Variants in FHOD3 observed in about 807,000 individuals in gnomAD.
FHOD3 encodes formin homology 2 domain containing 3, also known as FH1/FH2 domain-containing protein 3.
FHOD3 carries 90 observed loss-of-function variants against 173.0 expected under a neutral mutation model. That is an observed-to-expected ratio of 0.52 (90% confidence interval 0.44 to 0.62). The LOEUF is 0.62. Among genes scored for constraint, FHOD3 ranks in the 20% least tolerant of loss-of-function variants. The probability of loss-of-function intolerance (pLI) is 0.00; values close to 1 mark genes in which losing one functional copy is unlikely to be tolerated. For missense variants in FHOD3, 1,945 were observed against 2,034.7 expected (o/e 0.96, Z 0.85); for synonymous variants, 828 against 823.0 (o/e 1.01, Z -0.10).
At chr18:36,697,487 C>T (rs1337279539) in intron 17 of FHOD3, among the ~76,000 whole-genome samples, 4 of 149,906 alleles carry the variant, frequency 2.7e-5, no homozygotes, top group Non-Finnish European at 6.0e-5. Context: ...ATATTGCACA[C>T]AGAAATAATA....
intron 1 of FHOD3, among the ~76,000 whole-genome samples, chr18:36,298,656 G>T (rs2091872478): frequency 6.6e-6 from 1 of 152,146 alleles, no homozygotes; most frequent in South Asian, 2.1e-4. Context: ...GTGGGAGGAG[G>T]GGCGGGGGCG....
At chr18:36,499,156 T>C (rs372314584) in intron 3 of FHOD3, among the ~76,000 whole-genome samples, 20 of 152,264 alleles carry the variant, frequency 1.3e-4, no homozygotes, top group South Asian at 4.1e-4. Context: ...TAGGCTGGAG[T>C]GCGGTGACAT....
At chr18:36,504,752 G>GTAAATAAA (rs35485866) in intron 4 of FHOD3, among the ~76,000 whole-genome samples, 15 of 151,510 alleles carry the variant, frequency 9.9e-5, no homozygotes, top group African/African-American at 2.9e-4. Flanking sequence ...AATAATAAAA[G>GTAAATAAA]TAAATAAATA....
Position 36,724,820 on chromosome 18 carries a change from C to T in FHOD3, c.3418-5826C>T, listed in dbSNP as rs574748461. Among the ~76,000 whole-genome samples the T allele has an allele frequency of 2.2e-4, 34 of 152,306 alleles. No individual in the cohort carries two copies. In the South Asian group the frequency reaches 4.6e-3, roughly 20 times the overall value. On this transcript the variant is annotated intron_variant, in intron 19 of 28. Transcript: ENST00000590592. ...TTCCTCCAGGGGAGAAGGGCTACTA[C>T]GGGCATGTTGGAGGCTCCCGGTAGT...
chr18:36,563,354 C>T (rs1252945084), intron 5 of FHOD3, among the ~76,000 whole-genome samples: 1 of 152,200 alleles, frequency 6.6e-6, no homozygotes, highest in Non-Finnish European at 1.5e-5. Context: ...TCCCTAGTGC[C>T]AGACACTTCA....
intron 13 of FHOD3, among the ~76,000 whole-genome samples, chr18:36,657,187 T>C (rs1333110875): frequency 6.6e-6 from 1 of 152,198 alleles, no homozygotes; most frequent in Non-Finnish European, 1.5e-5. Flanking sequence ...TAATACAGTG[T>C]CCCTAACCAG....
intron 8 of FHOD3, among the ~76,000 whole-genome samples, chr18:36,611,521 T>C (rs2032673102): frequency 6.6e-6 from 1 of 152,230 alleles, no homozygotes. Flanking sequence ...TGGGATAATC[T>C]CTTTCCAGTC....
chr18:36,387,246 G>A (rs2048078467), intron 3 of FHOD3, among the ~76,000 whole-genome samples: 1 of 152,116 alleles, frequency 6.6e-6, no homozygotes, highest in African/African-American at 2.4e-5. Flanking sequence ...GCATCATCAG[G>A]TTGCTAGATT....
intron 3 of FHOD3, among the ~76,000 whole-genome samples, chr18:36,447,874 G>A (rs1264852812): frequency 6.6e-6 from 1 of 152,200 alleles, no homozygotes; most frequent in South Asian, 2.1e-4. Context: ...ACATTAAAAT[G>A]CATATGAACA....
intron 3 of FHOD3, among the ~76,000 whole-genome samples, chr18:36,498,668 A>C (rs1221525789): frequency 6.6e-6 from 1 of 152,208 alleles, no homozygotes; most frequent in Non-Finnish European, 1.5e-5. Flanking sequence ...CAAAGTCTAT[A>C]CAAATCCCTT....
chr18:36,763,920 C>T (rs2043030738), intron 27 of FHOD3, among the ~76,000 whole-genome samples: 1 of 152,130 alleles, frequency 6.6e-6, no homozygotes, highest in South Asian at 2.1e-4. Context: ...CGGGTCTTTC[C>T]AAACCTCTTT....
chr18:36,641,317 G>A (rs370911472), intron 10 of FHOD3, among the ~76,000 whole-genome samples: 8 of 152,306 alleles, frequency 5.3e-5, no homozygotes, highest in African/African-American at 1.7e-4. Context: ...GCTAGGGTGA[G>A]GAGGTTCACG....
At chr18:36,596,699 T>C (rs1296632635) in intron 7 of FHOD3, among the ~76,000 whole-genome samples, 1 of 151,918 alleles carries the variant, frequency 6.6e-6, no homozygotes, top group African/African-American at 2.4e-5. Flanking sequence ...GGTCTCTTTG[T>C]TGGGGGTGTG....
chr18:36,669,349 GC>G (rs1225768913), intron 14 of FHOD3, among the ~76,000 whole-genome samples: 1 of 151,446 alleles, frequency 6.6e-6, no homozygotes, highest in South Asian at 2.1e-4. Flanking sequence ...TTTCTTGTAG[GC>G]AATATAGTGT....
chr18:36,728,427 G>A (rs906656041), intron 19 of FHOD3, among the ~76,000 whole-genome samples: 3 of 152,110 alleles, frequency 2.0e-5, no homozygotes, highest in African/African-American at 7.2e-5. Flanking sequence ...AGTTTCTTAG[G>A]TCAACTACGT....
intron 2 of FHOD3, among the ~76,000 whole-genome samples, chr18:36,361,529 A>G (rs1366626054): frequency 2.0e-5 from 3 of 152,088 alleles, no homozygotes; most frequent in Non-Finnish European, 4.4e-5. Context: ...TACTAAAAAT[A>G]CAAAAAATTA....
intron 3 of FHOD3, among the ~76,000 whole-genome samples, chr18:36,423,534 A>G (rs905649297): frequency 6.6e-6 from 1 of 152,096 alleles, no homozygotes; most frequent in African/African-American, 2.4e-5. Flanking sequence ...TGCATTGGAA[A>G]ACCTCTGCTG....
intron 6 of FHOD3, among the ~76,000 whole-genome samples, chr18:36,578,155 C>T (rs1271049551): frequency 9.2e-5 from 14 of 152,166 alleles, no homozygotes; most frequent in Admixed American, 9.2e-4. Context: ...AATCTGTTCT[C>T]ACACCGCTAA....
chr18:36,477,939 C>G (rs1278248805), intron 3 of FHOD3, among the ~76,000 whole-genome samples: 1 of 152,182 alleles, frequency 6.6e-6, no homozygotes, highest in African/African-American at 2.4e-5. Flanking sequence ...CAGAGATGTC[C>G]TGGCCCAACA....
Sources: gnomAD v4.1 joint callset for allele counts (sites outside exome capture counted in the v4.1 genomes callset) on GRCh38, gnomAD v4.1.1 for gene constraint, MANE v1.5 for transcripts, NCBI Gene and HGNC (gene_info 2026-07-23, HGNC 2026-07-21) for gene names.